MEAF6: variants seen among roughly 807,000 people sequenced by gnomAD.
MEAF6 encodes MYST/Esa1 associated factor 6.
MEAF6 carries 15 observed loss-of-function variants against 28.9 expected under a neutral mutation model. That is an observed-to-expected ratio of 0.52 (90% CI 0.35 to 0.80). The LOEUF (loss-of-function observed/expected upper bound fraction) is 0.80, where lower values mean the gene tolerates loss of function less well. MEAF6 is among the 30% of genes least tolerant of loss of function. MEAF6 has a pLI of 0.01. For synonymous variants in MEAF6, 97 were observed against 88.7 expected (o/e 1.09, Z -0.53); for missense variants, 178 against 237.5 (o/e 0.75, Z 1.65).
intron 4 of MEAF6, among the ~76,000 whole-genome samples, chr1:37,506,877 A>C (rs1339457822): frequency 6.6e-6 from 1 of 152,166 alleles, no homozygotes; most frequent in Non-Finnish European, 1.5e-5. Flanking sequence ...TTAATACATA[A>C]GTGTTTGTCT....
chr1:37,500,500 T>G (rs139087392), intron 5 of MEAF6, among the ~76,000 whole-genome samples: 3 of 152,308 alleles, frequency 2.0e-5, no homozygotes, highest in Non-Finnish European at 4.4e-5. Flanking sequence ...TATACAATTT[T>G]TGCTAATTCT....
At chr1:37,499,719 A>G (rs1425087540) in intron 5 of MEAF6, among the ~76,000 whole-genome samples, 1 of 152,232 alleles carries the variant, frequency 6.6e-6, no homozygotes, top group Non-Finnish European at 1.5e-5. Flanking sequence ...CTAATATCGA[A>G]GATTTTTACA....
At chr1:37,502,423 C>A (rs1642341002) in intron 4 of MEAF6, among the ~76,000 whole-genome samples, 1 of 151,480 alleles carries the variant, frequency 6.6e-6, no homozygotes, top group Non-Finnish European at 1.5e-5. Flanking sequence ...ATTGAGTTTG[C>A]TTTTATTAAA....
Position 37,493,998 on chromosome 1 carries a change from G to A in MEAF6, c.*101C>T. ...CAGGCACTGGGTCTGGGAGAGCAGA[G>A]GTGGATGGCCACGAACTCAGGTGAA... On this transcript the variant is annotated 3_prime_UTR_variant, in exon 7 of 7. Transcript: ENST00000296214. 6.3e-7 allele frequency: 1 copy of A among 1,586,348 alleles called. No individual in the cohort carries two copies. Among genetic ancestry groups the A allele is most frequent in the Non-Finnish European group, 8.5e-7 (1 of 1,170,244 alleles).
chr1:37,497,896 G>C (rs1451125310), intron 5 of MEAF6, among the ~76,000 whole-genome samples: 1 of 152,016 alleles, frequency 6.6e-6, no homozygotes, highest in African/African-American at 2.4e-5. Flanking sequence ...CCAGCCTGCA[G>C]CACCCCTATT....
chr1:37,493,794 G>A lies in MEAF6; in HGVS notation c.*305C>T. On this transcript the variant is annotated 3_prime_UTR_variant, in exon 7 of 7. Transcript: ENST00000296214. ...TCACAGATGAAGCTGGTGCCAGCCAGTTTTGGGGGAGACATTCATTCTAAG... is the reference window on the plus strand; with the variant it reads ...TCACAGATGAAGCTGGTGCCAGCCAATTTTGGGGGAGACATTCATTCTAAG... 6.4e-7 allele frequency: 1 copy of A among 1,550,860 alleles called. No individual in the cohort carries two copies. The highest frequency in any genetic ancestry group is 1.4e-5 in the African/African-American group (1 of 73,168).
chr1:37,495,696 ACAAAAAAC>A lies in MEAF6; in HGVS notation c.567+181_567+188del, dbSNP rs1557603859. 4.5e-3 allele frequency among the ~76,000 whole-genome samples: 477 copies of A among 106,026 alleles called. 8 individuals carry two copies. Among genetic ancestry groups the A allele is most frequent in the African/African-American group, 0.014 (447 of 32,278 alleles). The allele number at this position is 106,026 out of a possible 152,430, so 69.6% of individuals were successfully genotyped here. A position where few individuals can be genotyped will look rare whatever the true frequency, so the allele number is the denominator to read the frequency against. ...AGAAACTGTCTCTCAAAAAAAAAAA[ACAAAAAAC>A]AAAAAAAAAAAAAAACAAAAAAACC... is the stretch of plus-strand genomic sequence containing the variant. On this transcript the variant is annotated intron_variant, in intron 6 of 6. Transcript: ENST00000296214.
intron 4 of MEAF6, among the ~76,000 whole-genome samples, chr1:37,502,394 T>C (rs1327567396): frequency 1.3e-5 from 2 of 152,030 alleles, no homozygotes; most frequent in Non-Finnish European, 2.9e-5. Context: ...TAAAAATATA[T>C]ATGTTTACAC....
In MEAF6 at chr1:37,491,548, A is replaced by C. The variant is rs544982471; in HGVS notation, c.*2551T>G. On this transcript the variant is annotated 3_prime_UTR_variant, in exon 7 of 7. Transcript: ENST00000296214. ...ATCATTACAAAATAAAAATGTTTTA[A>C]ATTAGCTGGGAATGGTGGCATGCAC... 6.6e-6 allele frequency among the ~76,000 whole-genome samples: 1 copy of C among 152,136 alleles called. No homozygotes were observed. Among genetic ancestry groups the C allele is most frequent in the Non-Finnish European group, 1.5e-5 (1 of 68,026 alleles).
At chr1:37,500,879 CAGG>C (rs1391740702) in intron 5 of MEAF6, 2 of 154,048 alleles carry the variant, frequency 1.3e-5, no homozygotes, top group Admixed American at 6.5e-5. Context: ...CGCAGTCTTC[CAGG>C]AGGAGTAGAA....
Position 37,491,262 on chromosome 1 carries a change from T to C in MEAF6, c.*2837A>G, listed in dbSNP as rs1188210504. ...GCTCATGCCTGTAATCCCAGCACTT[T>C]GGGAGGCTGAGGTGGGTGGATTACC... On this transcript the variant is annotated 3_prime_UTR_variant, in exon 7 of 7. Coordinates refer to ENST00000296214, the MANE Select transcript of MEAF6 (RefSeq NM_001270875.3). Among the ~76,000 whole-genome samples, 1 of 152,196 alleles carries C rather than the reference T, an allele frequency of 6.6e-6. No individual in the cohort carries two copies. The highest frequency in any genetic ancestry group is 1.5e-5 in the Non-Finnish European group (1 of 68,028).
At chr1:37,509,810 T>C (rs899633898) in intron 2 of MEAF6, among the ~76,000 whole-genome samples, 6 of 152,204 alleles carry the variant, frequency 3.9e-5, no homozygotes, top group Admixed American at 3.9e-4. Flanking sequence ...GGAGTCTTGC[T>C]CTGTCGCCTA....
Position 37,498,198 on chromosome 1 carries a change from CA to C in MEAF6, c.534-2281del, listed in dbSNP as rs1445758786. 2.0e-5 allele frequency among the ~76,000 whole-genome samples: 3 copies of C among 152,122 alleles called. No homozygotes were observed. In the East Asian group the frequency reaches 5.8e-4, roughly 29 times the overall value. ...GTAAAGCTGGAAGAAAGCTTAATGT[CA>C]ATATCTCTCACAAAATAGTTTCACT... On this transcript the variant is annotated intron_variant, in intron 5 of 6. Coordinates refer to ENST00000296214, the MANE Select transcript of MEAF6 (RefSeq NM_001270875.3).
chr1:37,496,159 C>T (rs994400342), intron 5 of MEAF6, among the ~76,000 whole-genome samples: 3 of 152,174 alleles, frequency 2.0e-5, no homozygotes, highest in African/African-American at 7.2e-5. Flanking sequence ...GAAATGTATA[C>T]AGCAGCTACA....
intron 5 of MEAF6, among the ~76,000 whole-genome samples, chr1:37,500,584 T>C (rs1484289640): frequency 2.0e-5 from 3 of 152,212 alleles, no homozygotes; most frequent in Admixed American, 6.5e-5. Context: ...TCAGTCATTA[T>C]TTGAAGGAAA....
rs746926008 is a variant in MEAF6 at position 37,496,684 on chromosome 1, A to T, written c.534-766T>A. The T allele has an allele frequency of 5.7e-6, 9 of 1,586,232 alleles. No individual in the cohort carries two copies. In the East Asian group the frequency reaches 2.0e-4, roughly 36 times the overall value. On this transcript the variant is annotated intron_variant, in intron 5 of 6. Coordinates refer to ENST00000296214, the MANE Select transcript of MEAF6 (RefSeq NM_001270875.3). ...TGTCTACACACTAAACACAGCACAA[A>T]TACTAATTCAAATCAAACTTACTCA...
intron 6 of MEAF6, among the ~76,000 whole-genome samples, 165 bp downstream of exon 6, chr1:37,495,712 AAAAAAAAC>A (rs1173893553): frequency 3.7e-5 from 5 of 134,146 alleles, no homozygotes; most frequent in African/African-American, 1.3e-4. Context: ...AACAAAAAAA[AAAAAAAAC>A]AAAAAAACCA....
intron 2 of MEAF6, 125 bp downstream of exon 2, chr1:37,513,298 G>A: frequency 1.5e-6 from 1 of 683,702 alleles, no homozygotes; most frequent in Non-Finnish European, 2.6e-6. Context: ...GAGTCCAAGA[G>A]TTCAAGTCCA....
chr1:37,500,130 T>C (rs1051952802), intron 5 of MEAF6, among the ~76,000 whole-genome samples: 1 of 152,112 alleles, frequency 6.6e-6, no homozygotes, highest in African/African-American at 2.4e-5. Context: ...AACGTGTCTC[T>C]ACTAAAAATA....
Sources: gnomAD v4.1 joint callset for allele counts (sites outside exome capture counted in the v4.1 genomes callset) on GRCh38, gnomAD v4.1.1 for gene constraint, MANE v1.5 for transcripts, NCBI Gene and HGNC (gene_info 2026-07-23, HGNC 2026-07-21) for gene names.